The following RMDN1 variants were observed in gnomAD, a reference collection of about 807,000 sequenced individuals.
The protein encoded by RMDN1 is regulator of microtubule dynamics protein 1.
RMDN1 carries 48 observed loss-of-function variants against 48.9 expected under a neutral mutation model. That is an observed-to-expected ratio of 0.98 (90% CI 0.78 to 1.25). The LOEUF (loss-of-function observed/expected upper bound fraction) is 1.25, where lower values mean the gene tolerates loss of function less well. Ranked by LOEUF, RMDN1 falls within the 50% of genes most tolerant of loss-of-function variation. The probability of loss-of-function intolerance (pLI) is 0.00; values close to 1 mark genes in which losing one functional copy is unlikely to be tolerated. For synonymous variants in RMDN1, 148 were observed against 132.6 expected, an observed-to-expected ratio of 1.12 and a Z score of -0.80; for missense variants, 418 against 373.4, an observed-to-expected ratio of 1.12 and a Z score of -0.98.
At chr8:86,492,455 C>A (rs766510877) in intron 2 of RMDN1, among the ~76,000 whole-genome samples, 1 of 151,924 alleles carries the variant, frequency 6.6e-6, no homozygotes, top group Non-Finnish European at 1.5e-5. Context: ...GAGTTCAGGA[C>A]CATCCTGGCC....
rs1027143361 is a variant in RMDN1 at position 86,473,347 on chromosome 8, C to T, written c.*961G>A. The T allele has an allele frequency of 1.0e-5, 10 of 985,122 alleles. No individual in the cohort carries two copies. Among genetic ancestry groups the T allele is most frequent in the African/African-American group, 1.7e-5 (1 of 57,216 alleles). The allele number at this position is 985,122 out of a possible 1,614,324, so 61.0% of individuals were successfully genotyped here. A position where few individuals can be genotyped will look rare whatever the true frequency, so the allele number is the denominator to read the frequency against. The stretch of plus-strand genomic sequence containing the variant: ...TCCAGCCTCAAGTGAGTAGCATAGT[C>T]CTGCCTATTTAAAAACATCTTAGTA... On this transcript the variant is annotated 3_prime_UTR_variant, in exon 10 of 10. Transcript: ENST00000406452.
chr8:86,506,011 G>A (rs1455810013), intron 2 of RMDN1, among the ~76,000 whole-genome samples: 2 of 152,164 alleles, frequency 1.3e-5, no homozygotes, highest in Non-Finnish European at 2.9e-5. Context: ...GTTAATGGTG[G>A]TTGATGGGTT....
At chr8:86,496,013 A>T (rs1180284639) in intron 2 of RMDN1, among the ~76,000 whole-genome samples, 1 of 152,164 alleles carries the variant, frequency 6.6e-6, no homozygotes, top group African/African-American at 2.4e-5. Context: ...TCCTTAAAGA[A>T]AAAAAAATTC....
chr8:86,483,770 T>G (rs1215351203), intron 5 of RMDN1, among the ~76,000 whole-genome samples: 4 of 151,982 alleles, frequency 2.6e-5, no homozygotes, highest in African/African-American at 9.7e-5. Context: ...GTTTCCATCA[T>G]TTTTCCTTCC....
In RMDN1 at chr8:86,503,385, A is replaced by AAAAAAAAAAAAAACAAAAC. The variant is rs1554594088; in HGVS notation, c.247+3609_247+3610insGTTTTGTTTTTTTTTTTTT. ...ACAAAACAAAACAAAAAAAAAAAAA[A>AAAAAAAAAAAAAACAAAAC]AAAACAAAAAAAAATAACAAAAATA... On this transcript the variant is annotated intron_variant, in intron 2 of 9. Transcript: ENST00000406452. Among the ~76,000 whole-genome samples, 55 of 80,960 alleles carry AAAAAAAAAAAAAACAAAAC rather than the reference A, an allele frequency of 6.8e-4. 1 individual carries two copies. Among genetic ancestry groups the AAAAAAAAAAAAAACAAAAC allele is most frequent in the Middle Eastern group, 4.9e-3 (1 of 206 alleles). 53.1% of individuals were successfully genotyped at this position (80,960 alleles called of 152,430 possible). A position where few individuals can be genotyped will look rare whatever the true frequency, so the allele number is the denominator to read the frequency against.
chr8:86,485,284 G>T (rs937420053), intron 4 of RMDN1, among the ~76,000 whole-genome samples: 1 of 152,082 alleles, frequency 6.6e-6, no homozygotes, highest in Non-Finnish European at 1.5e-5. Flanking sequence ...AATTAGCTGG[G>T]CATGGTAGCA....
At chr8:86,470,772 T>G (rs1812481585), downstream of RMDN1, among the ~76,000 whole-genome samples, 1 of 152,112 alleles carries the variant, frequency 6.6e-6, no homozygotes, top group Non-Finnish European at 1.5e-5. Context: ...AAAAAAAGTA[T>G]CACAGGGTCT....
At chr8:86,504,278 C>T (rs1000299350) in intron 2 of RMDN1, 3 of 1,573,810 alleles carry the variant, frequency 1.9e-6, no homozygotes, top group Non-Finnish European at 2.6e-6. Context: ...TTGTGGGGCA[C>T]CCAGGATGTA....
chr8:86,479,918 G>A lies in RMDN1; in HGVS notation c.641+359C>T, dbSNP rs145204349. Among the ~76,000 whole-genome samples the A allele has an allele frequency of 1.6e-4, 25 of 152,208 alleles. 1 individual carries two copies. The East Asian group carries it at 4.1e-3, about 25-fold the overall frequency. On this transcript the variant is annotated intron_variant, in intron 6 of 9. Coordinates refer to ENST00000406452, the MANE Select transcript of RMDN1 (RefSeq NM_016033.3). ...GAAAATCAGATTATATGGTTCCTCA[G>A]ATTAATCAAGACTGTATCTGACACA...
intron 2 of RMDN1, among the ~76,000 whole-genome samples, chr8:86,499,356 C>T (rs1393346949): frequency 6.6e-6 from 1 of 152,284 alleles, no homozygotes; most frequent in East Asian, 1.9e-4. Flanking sequence ...AACTAATAAA[C>T]AGCTTCAGTA....
At chr8:86,488,367 G>GAGAT (rs1383931512) in intron 3 of RMDN1, among the ~76,000 whole-genome samples, 185 bp downstream of exon 3, 1 of 152,036 alleles carries the variant, frequency 6.6e-6, no homozygotes, top group Non-Finnish European at 1.5e-5. Context: ...CTAAATCAAT[G>GAGAT]AGATACATGC....
At chr8:86,499,048 T>TA (rs1417567722) in intron 2 of RMDN1, among the ~76,000 whole-genome samples, 1 of 152,014 alleles carries the variant, frequency 6.6e-6, no homozygotes, top group Non-Finnish European at 1.5e-5. Flanking sequence ...ATCAACAAAC[T>TA]AAGCACTGAA....
At chr8:86,495,112 T>C (rs1226861316) in intron 2 of RMDN1, 1 of 269,192 alleles carries the variant, frequency 3.7e-6, no homozygotes, top group African/African-American at 2.3e-5. Context: ...CATCATCGAG[T>C]AGACTGGCAC....
intron 3 of RMDN1, 97 bp downstream of exon 3, chr8:86,488,455 C>T: frequency 1.8e-6 from 1 of 571,112 alleles, no homozygotes; most frequent in Non-Finnish European, 3.0e-6. Flanking sequence ...CTACAATAAT[C>T]AATTTTTAAA....
rs116599875 is a variant in RMDN1, at chr8:86,487,042, G to T, written c.336-399C>A. On this transcript the variant is annotated intron_variant, in intron 3 of 9. Coordinates refer to ENST00000406452, the MANE Select transcript of RMDN1 (RefSeq NM_016033.3). ...AAAATACATAAATTTTATAGACAGGGTCATGTTCTAAAAATACAAAACTGC... is the reference window on the plus strand; with the variant it reads ...AAAATACATAAATTTTATAGACAGGTTCATGTTCTAAAAATACAAAACTGC... Among the ~76,000 whole-genome samples, 208 of 152,240 alleles carry T rather than the reference G, an allele frequency of 1.4e-3. 1 individual carries two copies. Among genetic ancestry groups the T allele is most frequent in the African/African-American group, 4.9e-3 (202 of 41,540 alleles).
At position 86,508,550 on chromosome 8, in the gene RMDN1, G is replaced by T; in HGVS notation, c.71C>A (p.Pro24His). 2 of 1,593,356 alleles carry T rather than the reference G, an allele frequency of 1.3e-6. No homozygotes were observed. Among genetic ancestry groups the T allele is most frequent in the Non-Finnish European group, 1.7e-6 (2 of 1,172,154 alleles). The change falls in exon 1 of 10, where the codon CCT (proline) becomes CAT (histidine). Residue 24 changes from proline to histidine, a missense_variant. Pro to His is a moderately conservative substitution (Grantham distance 77, BLOSUM62 -2). Coordinates refer to ENST00000406452, the MANE Select transcript of RMDN1 (RefSeq NM_016033.3). ...CCCGCGGCTGCCCGAAGTCCCCGCA[G>T]GGAGACGAGACCCCGGGGCGGCTCC... is the stretch of plus-strand genomic sequence containing the variant. ...RRGAAPGSRL[P>H]AGTSGSRGHC...
chr8:86,469,835 G>C (rs1235005215), downstream of RMDN1, among the ~76,000 whole-genome samples: 2 of 152,148 alleles, frequency 1.3e-5, no homozygotes, highest in Non-Finnish European at 2.9e-5. Flanking sequence ...TCTCAACCAA[G>C]AACAAAATCA....
chr8:86,507,269 T>C (rs995730692), intron 1 of RMDN1, among the ~76,000 whole-genome samples, 157 bp from the exon 2 acceptor site: 3 of 152,184 alleles, frequency 2.0e-5, no homozygotes, highest in Admixed American at 6.5e-5. Context: ...AGTAAAACTA[T>C]CTCAAAGCGT....
chr8:86,513,280 C>A (rs1820142921), upstream of RMDN1, among the ~76,000 whole-genome samples: 1 of 152,156 alleles, frequency 6.6e-6, no homozygotes, highest in African/African-American at 2.4e-5. Flanking sequence ...GAGGCTGAGG[C>A]AGGAGAATCG....
Sources: gnomAD v4.1 joint callset for allele counts (sites outside exome capture counted in the v4.1 genomes callset) on GRCh38, gnomAD v4.1.1 for gene constraint, MANE v1.5 for transcripts, NCBI Gene and HGNC (gene_info 2026-07-23, HGNC 2026-07-21) for gene names.